The following DGLUCY variants were observed in gnomAD, a reference collection of about 807,000 sequenced individuals.
DGLUCY encodes the protein D-glutamate cyclase, mitochondrial.
A neutral mutation model predicts 58.5 loss-of-function variants in DGLUCY; 58 were observed. The observed-to-expected ratio is 0.99, with a 90% CI of 0.80 to 1.23. The LOEUF is 1.23. Among genes scored for constraint, DGLUCY ranks in the 50% most tolerant of loss-of-function variants. DGLUCY has a pLI of 0.00. For synonymous variants in DGLUCY, 325 were observed against 314.1 expected (o/e 1.03, Z -0.37); for missense variants, 779 against 784.7 (o/e 0.99, Z 0.09).
chr14:91,083,155 C>T (rs1187604659), intron 1 of DGLUCY, among the ~76,000 whole-genome samples: 1 of 152,218 alleles, frequency 6.6e-6, no homozygotes, highest in Non-Finnish European at 1.5e-5. Context: ...AAAAGAGCCA[C>T]ATTTGTGGCC....
At chr14:91,105,134 T>A (rs1385263407), upstream of DGLUCY, among the ~76,000 whole-genome samples, 1 of 151,760 alleles carries the variant, frequency 6.6e-6, no homozygotes, top group African/African-American at 2.4e-5. Context: ...GGCCAACATG[T>A]TGAAACCCTG....
intron 9 of DGLUCY, among the ~76,000 whole-genome samples, chr14:91,196,122 A>C (rs542648403): frequency 6.6e-6 from 1 of 152,116 alleles, no homozygotes; most frequent in African/African-American, 2.4e-5. Flanking sequence ...GGCATCTTAC[A>C]TGCAGCATAT....
intron 13 of DGLUCY, among the ~76,000 whole-genome samples, chr14:91,218,725 C>G (rs1886979892): frequency 6.6e-6 from 1 of 151,980 alleles, no homozygotes; most frequent in African/African-American, 2.4e-5. Context: ...TTTTTAAAAG[C>G]AAAAGTACAA....
chr14:91,190,181 G>C (rs1469020650), intron 9 of DGLUCY, among the ~76,000 whole-genome samples: 1 of 151,526 alleles, frequency 6.6e-6, no homozygotes, highest in East Asian at 1.9e-4. Context: ...TAGAGACGGG[G>C]TTTCACCGTG....
At chr14:91,206,390 T>G (rs1382983319) in intron 12 of DGLUCY, among the ~76,000 whole-genome samples, 1 of 152,040 alleles carries the variant, frequency 6.6e-6, no homozygotes, top group Non-Finnish European at 1.5e-5. Context: ...TTTCTTTTTT[T>G]TTTCTTTTCT....
chr14:91,224,387 A>ACTTT (rs1327569381), intron 13 of DGLUCY, among the ~76,000 whole-genome samples: 1 of 152,132 alleles, frequency 6.6e-6, no homozygotes, highest in African/African-American at 2.4e-5. Context: ...AAACTAAGAA[A>ACTTT]CTATGTTTCC....
intron 1 of DGLUCY, among the ~76,000 whole-genome samples, chr14:91,084,329 G>T (rs574048708): frequency 5.3e-5 from 8 of 150,954 alleles, no homozygotes; most frequent in Admixed American, 2.7e-4. Context: ...TCAGCCTCCC[G>T]AGTAGCTGGA....
At chr14:91,133,192 G>T (rs1239285060) in intron 1 of DGLUCY, among the ~76,000 whole-genome samples, 1 of 151,952 alleles carries the variant, frequency 6.6e-6, no homozygotes, top group African/African-American at 2.4e-5. Flanking sequence ...CTACTTGGGG[G>T]GCTGAGGCAG....
At chr14:91,174,260 C>CTT (rs111335522) in intron 6 of DGLUCY, among the ~76,000 whole-genome samples, 14,515 of 152,172 alleles carry the variant, frequency 0.095, 1,993 homozygotes, top group African/African-American at 0.31. Context: ...CTGGGCATCT[C>CTT]TATCTGTATC....
chr14:91,222,694 G>A (rs1278320491), intron 13 of DGLUCY, among the ~76,000 whole-genome samples: 3 of 152,194 alleles, frequency 2.0e-5, no homozygotes, highest in Admixed American at 2.0e-4. Flanking sequence ...GTTAGTGAGT[G>A]ACCCTCCAGG....
At chr14:91,074,111 A>G (rs1228170715) in intron 1 of DGLUCY, among the ~76,000 whole-genome samples, 1 of 88,718 alleles carries the variant, frequency 1.1e-5, no homozygotes, top group Non-Finnish European at 2.4e-5. Flanking sequence ...AAAAATATAT[A>G]TATATATACA....
intron 1 of DGLUCY, among the ~76,000 whole-genome samples, chr14:91,083,241 G>T (rs1169009798): frequency 6.6e-6 from 1 of 152,178 alleles, no homozygotes; most frequent in Non-Finnish European, 1.5e-5. Context: ...AAGAGAGAAG[G>T]CCGGGCGCAG....
intron 5 of DGLUCY, among the ~76,000 whole-genome samples, chr14:91,171,834 A>G (rs184122983): frequency 1.9e-4 from 29 of 152,310 alleles, no homozygotes; most frequent in African/African-American, 6.3e-4. Context: ...GCCGTGCTCC[A>G]TGGGGTCTGG....
intron 13 of DGLUCY, among the ~76,000 whole-genome samples, chr14:91,221,092 A>C (rs951054063): frequency 6.6e-6 from 1 of 152,212 alleles, no homozygotes. Flanking sequence ...GGCTCTGGCC[A>C]GGCTCCCAGC....
chr14:91,151,634 CTTTTT>C (rs1009571948), intron 1 of DGLUCY, among the ~76,000 whole-genome samples: 6 of 149,936 alleles, frequency 4.0e-5, no homozygotes, highest in African/African-American at 1.5e-4. Flanking sequence ...CATTATTCAT[CTTTTT>C]TATTTTTTCT....
chr14:91,209,251 A>T (rs1189586850), intron 12 of DGLUCY, among the ~76,000 whole-genome samples: 2 of 152,140 alleles, frequency 1.3e-5, no homozygotes, highest in African/African-American at 4.8e-5. Context: ...GAACAGAGTG[A>T]GATTCGGTCT....
chr14:91,160,861 C>T (rs373312738), intron 3 of DGLUCY, among the ~76,000 whole-genome samples: 6 of 152,160 alleles, frequency 3.9e-5, no homozygotes, highest in East Asian at 3.8e-4. Flanking sequence ...CAAGAGAAAA[C>T]AGATACCAAA....
chr14:91,149,494 C>T (rs1231013093), intron 1 of DGLUCY, among the ~76,000 whole-genome samples: 1 of 152,118 alleles, frequency 6.6e-6, no homozygotes, highest in Non-Finnish European at 1.5e-5. Context: ...TGTGCAGTGC[C>T]AGAAGTAGCT....
chr14:91,134,175 G>A (rs1028907971), intron 1 of DGLUCY, among the ~76,000 whole-genome samples: 25 of 152,124 alleles, frequency 1.6e-4, no homozygotes, highest in African/African-American at 6.0e-4. Flanking sequence ...TGGAATCAGC[G>A]TGTTCAGTTC....
Sources: gnomAD v4.1 joint callset for allele counts (sites outside exome capture counted in the v4.1 genomes callset) on GRCh38, gnomAD v4.1.1 for gene constraint, MANE v1.5 for transcripts, NCBI Gene and HGNC (gene_info 2026-07-23, HGNC 2026-07-21) for gene names.